The following NCALD variants were observed in gnomAD, a reference collection of about 807,000 sequenced individuals.
NCALD encodes the protein neurocalcin delta.
Under a neutral mutation model 18.6 loss-of-function variants are expected in NCALD, and 10 were observed. The ratio of observed to expected loss-of-function variants is 0.54; its 90% CI spans 0.33 to 0.91. The LOEUF (loss-of-function observed/expected upper bound fraction) is 0.91. NCALD is among the 40% of genes least tolerant of loss of function. The probability of loss-of-function intolerance (pLI) is 0.03; values close to 1 mark genes in which losing one functional copy is unlikely to be tolerated. For missense variants in NCALD, 184 were observed against 247.6 expected (o/e 0.74, Z 1.72); for synonymous variants, 88 against 87.4 (o/e 1.01, Z -0.04).
At chr8:101,935,031 A>T (rs547290979) in intron 2 of NCALD, among the ~76,000 whole-genome samples, 1 of 152,170 alleles carries the variant, frequency 6.6e-6, no homozygotes, top group Non-Finnish European at 1.5e-5. Flanking sequence ...AGAAGTCTCA[A>T]ATTAAAGATC....
chr8:102,002,499 A>T (rs1821515190), intron 2 of NCALD, among the ~76,000 whole-genome samples: 1 of 152,224 alleles, frequency 6.6e-6, no homozygotes, highest in African/African-American at 2.4e-5. Flanking sequence ...ATATCCAGGA[A>T]TTGAACTCGG....
chr8:101,961,937 T>C (rs1394300423), intron 2 of NCALD, among the ~76,000 whole-genome samples: 1 of 152,124 alleles, frequency 6.6e-6, no homozygotes, highest in African/African-American at 2.4e-5. Flanking sequence ...GAAAAAGCAG[T>C]AAAATCTGGC....
At chr8:102,116,257 TAAACAAAAACAAAAACAAAAAC>T (rs1563631322) in intron 1 of NCALD, among the ~76,000 whole-genome samples, 2 of 149,070 alleles carry the variant, frequency 1.3e-5, no homozygotes, top group Admixed American at 6.7e-5. Context: ...TAAAGTATAA[TAAACAAAAACAAAAACAAAAAC>T]AAACAAAAAC....
At chr8:101,987,765 G>A (rs1820870496) in intron 2 of NCALD, among the ~76,000 whole-genome samples, 1 of 152,080 alleles carries the variant, frequency 6.6e-6, no homozygotes, top group Non-Finnish European at 1.5e-5. Flanking sequence ...ATCACGAGAA[G>A]TAATAAAGTA....
At chr8:101,807,131 G>A (rs374970971) in intron 4 of NCALD, among the ~76,000 whole-genome samples, 32 of 152,166 alleles carry the variant, frequency 2.1e-4, no homozygotes, top group African/African-American at 7.2e-4. Flanking sequence ...TACATTGATA[G>A]TAGATCTACT....
intron 4 of NCALD, among the ~76,000 whole-genome samples, chr8:101,879,523 C>T (rs1816386734): frequency 6.6e-6 from 1 of 152,272 alleles, no homozygotes; most frequent in African/African-American, 2.4e-5. Flanking sequence ...CAAGCAACAG[C>T]AAGAGCTGCA....
intron 1 of NCALD, among the ~76,000 whole-genome samples, chr8:102,087,369 C>G (rs556819058): frequency 5.5e-4 from 83 of 152,100 alleles, no homozygotes; most frequent in Non-Finnish European, 9.6e-4. Flanking sequence ...CCCACACCCC[C>G]CAACCCAAAG....
chr8:102,067,363 T>A (rs533618325), intron 1 of NCALD, among the ~76,000 whole-genome samples: 2 of 152,206 alleles, frequency 1.3e-5, no homozygotes, highest in Non-Finnish European at 2.9e-5. Flanking sequence ...GAAACAATGT[T>A]ACTCAAACAC....
intron 2 of NCALD, among the ~76,000 whole-genome samples, chr8:101,930,093 C>T (rs1224597085): frequency 2.0e-5 from 3 of 151,862 alleles, no homozygotes; most frequent in Non-Finnish European, 1.5e-5. Context: ...ATTATGCTTA[C>T]AAAATTAGAT....
chr8:101,772,508 C>G (rs1304068827), intron 1 of NCALD, among the ~76,000 whole-genome samples: 1 of 152,200 alleles, frequency 6.6e-6, no homozygotes, highest in African/African-American at 2.4e-5. Context: ...CAAAACAACT[C>G]TCTACCTGTT....
intron 1 of NCALD, among the ~76,000 whole-genome samples, chr8:102,074,421 A>C (rs1339161103): frequency 6.6e-6 from 1 of 152,200 alleles, no homozygotes. Flanking sequence ...GCAAACTCGC[A>C]TTCTATTCTA....
chr8:101,713,312 C>G (rs1379293775), intron 2 of NCALD, among the ~76,000 whole-genome samples: 2 of 152,076 alleles, frequency 1.3e-5, no homozygotes, highest in African/African-American at 4.8e-5. Context: ...TAAATGCCCA[C>G]AGTAGAAAGC....
intron 1 of NCALD, among the ~76,000 whole-genome samples, chr8:102,079,180 C>G (rs1274480121): frequency 1.3e-5 from 2 of 152,328 alleles, no homozygotes; most frequent in African/African-American, 2.4e-5. Context: ...CATGAAACCC[C>G]CTTTATCTCA....
chr8:101,711,472 C>A (rs368111006), intron 2 of NCALD, among the ~76,000 whole-genome samples: 4 of 151,710 alleles, frequency 2.6e-5, no homozygotes, highest in Non-Finnish European at 2.9e-5. Context: ...CAAACTCTTC[C>A]GAGCTAAAGG....
chr8:101,906,623 A>T (rs1817620593), intron 3 of NCALD, among the ~76,000 whole-genome samples: 2 of 152,328 alleles, frequency 1.3e-5, no homozygotes, highest in South Asian at 4.1e-4. Context: ...TTCCTTCCAA[A>T]CTATACCTTT....
At chr8:101,754,623 A>G (rs967517814) in intron 1 of NCALD, among the ~76,000 whole-genome samples, 1 of 152,046 alleles carries the variant, frequency 6.6e-6, no homozygotes, top group East Asian at 1.9e-4. Flanking sequence ...CAATACCATC[A>G]CCTTAGGGGT....
At chr8:101,966,777 G>A (rs1820049191) in intron 2 of NCALD, among the ~76,000 whole-genome samples, 1 of 152,006 alleles carries the variant, frequency 6.6e-6, no homozygotes, top group Non-Finnish European at 1.5e-5. Context: ...AATCAGAGAA[G>A]ATCACAGAGA....
chr8:102,056,118 ACTT>A (rs1174627557), intron 1 of NCALD, among the ~76,000 whole-genome samples: 1 of 152,196 alleles, frequency 6.6e-6, no homozygotes, highest in Non-Finnish European at 1.5e-5. Context: ...AAACAATTCC[ACTT>A]CTTAGAAATT....
chr8:101,901,786 C>CTT (rs1320837242), intron 3 of NCALD, among the ~76,000 whole-genome samples: 5 of 132,846 alleles, frequency 3.8e-5, no homozygotes, highest in Non-Finnish European at 7.8e-5. Flanking sequence ...CTTTGCATTA[C>CTT]TCTTTTCTCT....
Sources: gnomAD v4.1 joint callset for allele counts (sites outside exome capture counted in the v4.1 genomes callset) on GRCh38, gnomAD v4.1.1 for gene constraint, MANE v1.5 for transcripts, NCBI Gene and HGNC (gene_info 2026-07-23, HGNC 2026-07-21) for gene names.